CEP164: variants seen among roughly 807,000 people sequenced by gnomAD.
The protein encoded by CEP164 is centrosomal protein 164.
In CEP164, 162 loss-of-function variants were observed where a neutral mutation model predicts 182.7. The observed-to-expected ratio is 0.89, with a 90% CI of 0.78 to 1.01. The LOEUF (loss-of-function observed/expected upper bound fraction) is 1.01, where lower values mean the gene tolerates loss of function less well. Ranked by LOEUF, CEP164 falls within the 50% of genes least tolerant of loss-of-function variation. The pLI is 0.00. For missense variants in CEP164, 1,735 were observed against 1,790.4 expected, an observed-to-expected ratio of 0.97 and a Z score of 0.56; for synonymous variants, 661 against 690.0, an observed-to-expected ratio of 0.96 and a Z score of 0.66.
chr11:117,369,881 G>GCAA (rs2042024776), intron 8 of CEP164, among the ~76,000 whole-genome samples: 1 of 152,242 alleles, frequency 6.6e-6, no homozygotes, highest in South Asian at 2.1e-4. Context: ...AGCAGGGCTT[G>GCAA]GCCACTGTAG....
At chr11:117,389,111 C>A (rs374012428) in intron 15 of CEP164, among the ~76,000 whole-genome samples, 2 of 152,254 alleles carry the variant, frequency 1.3e-5, no homozygotes. Flanking sequence ...ATGTTAGTAT[C>A]TTGAAATAGG....
At chr11:117,325,871 T>A (rs894659943), upstream of CEP164, among the ~76,000 whole-genome samples, 3 of 151,484 alleles carry the variant, frequency 2.0e-5, no homozygotes, top group African/African-American at 7.3e-5. Context: ...TTGCAATAGG[T>A]ATACACATGC....
At chr11:117,335,503 T>C (rs898251363) in intron 1 of CEP164, 102 bp from the exon 2 acceptor site, 1 of 151,890 alleles carries the variant, frequency 6.6e-6, no homozygotes, top group African/African-American at 2.4e-5. Context: ...TTGTTGCTTG[T>C]CAGGGGTCTC....
chr11:117,394,865 C>T lies in CEP164; in HGVS notation c.2761-55C>T. 6.4e-7 allele frequency: 1 copy of T among 1,561,130 alleles called. No individual in the cohort carries two copies. Among genetic ancestry groups the T allele is most frequent in the Non-Finnish European group, 8.8e-7 (1 of 1,134,312 alleles). Reference sequence around the variant, plus strand: ...GTGGGTTCTGGAACCCCCTCCTGCCCCTCAGCTAATGCCTTACACTCTTTC... The same window carrying T: ...GTGGGTTCTGGAACCCCCTCCTGCCTCTCAGCTAATGCCTTACACTCTTTC... On this transcript the variant is annotated intron_variant, in intron 21 of 32. Transcript: ENST00000278935. This position sits in a 1 kb window ranked among gnomAD's most constrained non-coding sequence, Gnocchi z 4.0.
rs377401620 is a variant in CEP164, at chr11:117,409,953, A to G, written c.4084A>G (p.Lys1362Glu). 5 of 1,614,116 alleles carry G rather than the reference A, an allele frequency of 3.1e-6. No individual in the cohort carries two copies. In the East Asian group the frequency reaches 6.7e-5, roughly 22 times the overall value. The change falls in exon 30 of 33, where the codon AAG becomes GAG. Residue 1362 changes from lysine (K) to glutamate (E), a missense_variant. Physicochemically the swap from Lys to Glu is moderately conservative, Grantham distance 56. Coordinates refer to ENST00000278935, the MANE Select transcript of CEP164 (RefSeq NM_014956.5). This position sits in a 1 kb window ranked among gnomAD's most constrained non-coding sequence, Gnocchi z 4.4. ...CGACTTCCTGTTGGAGAAGTGGCGC[A>G]AGTATTTTCCATGTAAGCCCCACTC... is the stretch of plus-strand genomic sequence containing the variant. ...VDDFLLEKWR[K>E]YFPSGIPLLS...
intron 1 of CEP164, among the ~76,000 whole-genome samples, chr11:117,333,131 G>C (rs947819980): frequency 2.6e-5 from 4 of 152,174 alleles, no homozygotes; most frequent in African/African-American, 9.7e-5. Flanking sequence ...TCCCACCTGA[G>C]CCCCCCAAGT....
rs1592529635 is a variant in CEP164, at chr11:117,411,586, G to T, written c.4164-209G>T. ...CCTTGTATCAGTAGCACCCAGCAAG[G>T]GGGCAGAGGGCCTCCACCACTTTCC... On this transcript the variant is annotated intron_variant, in intron 31 of 32. Transcript: ENST00000278935. This position sits in a 1 kb window ranked among gnomAD's most constrained non-coding sequence, Gnocchi z 4.4. The T allele has an allele frequency of 5.2e-6, 3 of 575,786 alleles. No homozygotes were observed. Among genetic ancestry groups the T allele is most frequent in the Non-Finnish European group, 8.8e-6 (3 of 339,238 alleles). The allele number at this position is 575,786 out of a possible 1,614,324, so 35.7% of individuals were successfully genotyped here.
chr11:117,408,361 G>A (rs992498040), intron 28 of CEP164, among the ~76,000 whole-genome samples: 1 of 152,222 alleles, frequency 6.6e-6, no homozygotes, highest in Non-Finnish European at 1.5e-5. Flanking sequence ...GGACACACAT[G>A]ATAGATTTTC....
upstream of CEP164, among the ~76,000 whole-genome samples, chr11:117,322,954 C>T (rs867076511): frequency 5.9e-5 from 9 of 151,780 alleles, no homozygotes; most frequent in Admixed American, 3.3e-4. Flanking sequence ...TTAGTAGAGA[C>T]GGGGTTTCAC....
chr11:117,341,623 G>A (rs2038134204), intron 3 of CEP164, among the ~76,000 whole-genome samples: 1 of 151,820 alleles, frequency 6.6e-6, no homozygotes, highest in Non-Finnish European at 1.5e-5. Flanking sequence ...TTTGTATTGT[G>A]TTGGTAGAGA....
At chr11:117,341,374 C>T (rs1376151143) in intron 3 of CEP164, among the ~76,000 whole-genome samples, 3 of 152,132 alleles carry the variant, frequency 2.0e-5, no homozygotes, top group African/African-American at 4.8e-5. Flanking sequence ...CTCAACATAA[C>T]ACCCTTGATG....
chr11:117,390,558 C>T (rs2044508556), intron 15 of CEP164, among the ~76,000 whole-genome samples: 1 of 151,540 alleles, frequency 6.6e-6, no homozygotes, highest in Non-Finnish European at 1.5e-5. Context: ...ATTGCTTAAG[C>T]CCAGGAGTTT....
rs2045214481 is a variant in CEP164 at position 117,394,780 on chromosome 11, G to C, written c.2761-140G>C. ...AACAAGGTGTGGAGCCTTCCTGGGA[G>C]GCTGCAGGGGCACACAGCGAGGAAG... On this transcript the variant is annotated intron_variant, in intron 21 of 32. Transcript: ENST00000278935. The surrounding 1 kb of genome is among the most constrained non-coding windows in gnomAD (Gnocchi z 4.0). 1 of 954,422 alleles carries C rather than the reference G, an allele frequency of 1.0e-6. No individual in the cohort carries two copies. The highest frequency in any genetic ancestry group is 2.1e-5 in the Admixed American group (1 of 46,734). 59.1% of individuals were successfully genotyped at this position (954,422 alleles called of 1,614,324 possible).
At chr11:117,391,447 A>C (rs1034761809) in intron 17 of CEP164, among the ~76,000 whole-genome samples, 1 of 152,150 alleles carries the variant, frequency 6.6e-6, no homozygotes, top group Non-Finnish European at 1.5e-5. Context: ...TGCAGCAGGC[A>C]TCACAAGGCT....
intron 1 of CEP164, among the ~76,000 whole-genome samples, chr11:117,331,146 T>A (rs2036142417): frequency 6.6e-6 from 1 of 152,186 alleles, no homozygotes; most frequent in East Asian, 1.9e-4. Flanking sequence ...AGTGTGCAGA[T>A]GTGCAAAACT....
chr11:117,386,225 G>A (rs2043939158), intron 14 of CEP164: 2 of 152,254 alleles, frequency 1.3e-5, no homozygotes, highest in East Asian at 1.9e-4. Context: ...TGAGGGACCT[G>A]GACGTGGAGA....
intron 27 of CEP164, among the ~76,000 whole-genome samples, chr11:117,407,715 G>C (rs1320974947): frequency 6.6e-6 from 1 of 152,152 alleles, no homozygotes; most frequent in East Asian, 1.9e-4. Flanking sequence ...GAGTTTTTAA[G>C]GTGTAGGCAT....
intron 20 of CEP164, among the ~76,000 whole-genome samples, chr11:117,393,811 C>T (rs562443552): frequency 2.0e-5 from 3 of 152,136 alleles, no homozygotes; most frequent in Non-Finnish European, 4.4e-5. Flanking sequence ...TTGAGTTTAC[C>T]CAAGCTGGCC....
chr11:117,343,968 A>G (rs747202316), intron 3 of CEP164, among the ~76,000 whole-genome samples, 198 bp from the exon 4 acceptor site: 12 of 151,946 alleles, frequency 7.9e-5, no homozygotes, highest in Non-Finnish European at 1.3e-4. Context: ...GGATTATATC[A>G]TTGTGTGGAG....
Sources: allele counts gnomAD v4.1 joint callset (sites outside exome capture counted in the v4.1 genomes callset), GRCh38; gene constraint gnomAD v4.1.1; non-coding constraint Gnocchi (gnomAD v3.1); transcripts MANE v1.5; gene names NCBI Gene and HGNC (gene_info 2026-07-23, HGNC 2026-07-21).